EPHA5: variants seen among roughly 807,000 people sequenced by gnomAD.
The protein encoded by EPHA5 is EPH receptor A5.
In EPHA5, 60 loss-of-function variants were observed where a neutral mutation model predicts 105.0. That is an observed-to-expected ratio of 0.57 (90% CI 0.46 to 0.71). EPHA5 has a LOEUF of 0.71. EPHA5 is among the 30% of genes least tolerant of loss of function. EPHA5 has a pLI of 0.00. For synonymous variants in EPHA5, 513 were observed against 449.1 expected, an observed-to-expected ratio of 1.14 and a Z score of -1.80; for missense variants, 1,218 against 1,274.7, an observed-to-expected ratio of 0.96 and a Z score of 0.68.
chr4:65,505,306 A>T (rs1732898789), intron 3 of EPHA5, among the ~76,000 whole-genome samples: 1 of 152,036 alleles, frequency 6.6e-6, no homozygotes, highest in African/African-American at 2.4e-5. Flanking sequence ...GTTCATCTTG[A>T]CACAAACATA....
rs1416425657 is a variant in EPHA5 at position 65,669,791 on chromosome 4, C to G, written c.-49G>C. The G allele has an allele frequency of 2.9e-5, 36 of 1,236,144 alleles. No homozygotes were observed. Among genetic ancestry groups the G allele is most frequent in the Non-Finnish European group, 3.5e-5 (35 of 990,136 alleles). The allele number at this position is 1,236,144 out of a possible 1,614,324, so 76.6% of individuals were successfully genotyped here. A position where few individuals can be genotyped will look rare whatever the true frequency, so the allele number is the denominator to read the frequency against. ...CGCTGTCCCGAGCGGCTCAGTCCAC[C>G]GCTTCGGCCTCGCAGAGCGGCGAAG... On this transcript the variant is annotated 5_prime_UTR_variant, in exon 1 of 17. Coordinates refer to ENST00000613740, the MANE Select transcript of EPHA5 (RefSeq NM_001281766.3).
Position 65,321,721 on chromosome 4 carries a change from A to C in EPHA5, c.*2393T>G, listed in dbSNP as rs1230175757. 1 of 228,724 alleles carries C rather than the reference A, an allele frequency of 4.4e-6. No homozygotes were observed. The highest frequency in any genetic ancestry group is 8.7e-6 in the Non-Finnish European group (1 of 115,158). The allele number at this position is 228,724 out of a possible 1,614,324, so 14.2% of individuals were successfully genotyped here. On this transcript the variant is annotated 3_prime_UTR_variant, in exon 17 of 17. Coordinates refer to ENST00000613740, the MANE Select transcript of EPHA5 (RefSeq NM_001281766.3). The stretch of plus-strand genomic sequence containing the variant: ...GTTAAAAAGAGAAAATCTATATTGC[A>C]ACTTAAAGTTCTAGTCATTTAGATA...
intron 8 of EPHA5, among the ~76,000 whole-genome samples, chr4:65,381,010 C>A (rs1719506618): frequency 6.6e-6 from 1 of 151,628 alleles, no homozygotes. Flanking sequence ...ATAAAACCTG[C>A]ACCACACAGG....
At chr4:65,533,615 C>T (rs947524067) in intron 3 of EPHA5, among the ~76,000 whole-genome samples, 7 of 151,928 alleles carry the variant, frequency 4.6e-5, no homozygotes, top group African/African-American at 1.7e-4. Flanking sequence ...GAGATTTTTC[C>T]ACCACACAAG....
At chr4:65,462,576 C>T (rs1728231725) in intron 5 of EPHA5, among the ~76,000 whole-genome samples, 1 of 152,100 alleles carries the variant, frequency 6.6e-6, no homozygotes, top group Non-Finnish European at 1.5e-5. Context: ...GTGGGGGAGG[C>T]TAGAGTGACC....
chr4:65,345,696 T>C (rs747818558), intron 14 of EPHA5, among the ~76,000 whole-genome samples: 8 of 152,370 alleles, frequency 5.3e-5, no homozygotes, highest in Non-Finnish European at 7.3e-5. Flanking sequence ...TGAGAACTAA[T>C]GCCTAGGCAA....
intron 11 of EPHA5, among the ~76,000 whole-genome samples, chr4:65,358,190 G>A (rs1036846012): frequency 3.3e-5 from 5 of 151,460 alleles, no homozygotes; most frequent in African/African-American, 1.2e-4. Context: ...AAGAGTTGCT[G>A]CTAAATATAG....
intron 5 of EPHA5, among the ~76,000 whole-genome samples, chr4:65,456,528 T>G (rs1174343642): frequency 6.6e-6 from 1 of 152,202 alleles, no homozygotes; most frequent in Non-Finnish European, 1.5e-5. Context: ...CTGTCGTATT[T>G]TTAACCAATC....
chr4:65,381,766 T>C (rs1230656531), intron 8 of EPHA5, among the ~76,000 whole-genome samples: 1 of 151,726 alleles, frequency 6.6e-6, no homozygotes, highest in African/African-American at 2.4e-5. Context: ...AGATCATAAG[T>C]GCCCAGCCCT....
intron 2 of EPHA5, among the ~76,000 whole-genome samples, chr4:65,632,603 A>G (rs1746751600): frequency 6.6e-6 from 1 of 151,840 alleles, no homozygotes; most frequent in South Asian, 2.1e-4. Context: ...AGATTTAAAT[A>G]CCTGATTATC....
chr4:65,325,138 T>A (rs1252980361), intron 16 of EPHA5, among the ~76,000 whole-genome samples: 1 of 151,454 alleles, frequency 6.6e-6, no homozygotes, highest in Non-Finnish European at 1.5e-5. Flanking sequence ...GTTAGATTTC[T>A]CAAGGTAATT....
intron 5 of EPHA5, among the ~76,000 whole-genome samples, chr4:65,423,484 G>T (rs1404861972): frequency 6.6e-6 from 1 of 151,882 alleles, no homozygotes; most frequent in Non-Finnish European, 1.5e-5. Context: ...TGGGAAATTT[G>T]TCCATTTTTC....
chr4:65,495,274 A>T, intron 4 of EPHA5, 114 bp downstream of exon 4: 2 of 1,175,366 alleles, frequency 1.7e-6, no homozygotes, highest in Non-Finnish European at 2.4e-6. Context: ...AGAGATGATT[A>T]AACATTATGT....
intron 4 of EPHA5, among the ~76,000 whole-genome samples, chr4:65,494,585 T>TGGAAAACCAAATATAC (rs1731731429): frequency 6.6e-6 from 1 of 152,186 alleles, no homozygotes; most frequent in South Asian, 2.1e-4. Flanking sequence ...CAGAAATATA[T>TGGAAAACCAAATATAC]GGAAAACCAA....
At chr4:65,586,550 A>T (rs1272482060) in intron 3 of EPHA5, among the ~76,000 whole-genome samples, 1 of 151,862 alleles carries the variant, frequency 6.6e-6, no homozygotes, top group Non-Finnish European at 1.5e-5. Flanking sequence ...TTTACTATAC[A>T]TCTCTTCCCC....
At chr4:65,631,827 A>C (rs1746662337) in intron 2 of EPHA5, among the ~76,000 whole-genome samples, 1 of 152,014 alleles carries the variant, frequency 6.6e-6, no homozygotes, top group Non-Finnish European at 1.5e-5. Context: ...TAATCAGGAA[A>C]AGTGTTTTGA....
intron 10 of EPHA5, 113 bp downstream of exon 10, chr4:65,365,819 T>G: frequency 3.6e-6 from 4 of 1,119,694 alleles, no homozygotes; most frequent in South Asian, 2.0e-5. Flanking sequence ...TCACTTTGAA[T>G]GCAAGCCAAT....
chr4:65,336,270 G>T, intron 14 of EPHA5, 145 bp from the exon 15 acceptor site: 1 of 478,756 alleles, frequency 2.1e-6, no homozygotes, highest in Non-Finnish European at 3.4e-6. Context: ...AAAATCCACG[G>T]CTATTTCCAT....
chr4:65,461,417 G>A (rs1728109731), intron 5 of EPHA5, among the ~76,000 whole-genome samples: 1 of 151,938 alleles, frequency 6.6e-6, no homozygotes, highest in South Asian at 2.1e-4. Context: ...AATATGTAAT[G>A]TTGCCGTTCT....
Sources: gnomAD v4.1 joint callset for allele counts (sites outside exome capture counted in the v4.1 genomes callset) on GRCh38, gnomAD v4.1.1 for gene constraint, MANE v1.5 for transcripts, NCBI Gene and HGNC (gene_info 2026-07-23, HGNC 2026-07-21) for gene names.